Variants in STK3 observed in about 807,000 individuals in gnomAD.
STK3 encodes the protein serine/threonine kinase 3, also known as serine/threonine-protein kinase 3.
Under a neutral mutation model 58.0 loss-of-function variants are expected in STK3, and 41 were observed. The observed-to-expected ratio is 0.71, with a 90% CI of 0.55 to 0.92. The LOEUF (loss-of-function observed/expected upper bound fraction) is 0.92, where lower values mean the gene tolerates loss of function less well. Among genes scored for constraint, STK3 ranks in the 40% least tolerant of loss-of-function variants. STK3 has a pLI of 0.00. For synonymous variants in STK3, 170 were observed against 191.0 expected (o/e 0.89, Z 0.91); for missense variants, 479 against 602.7 (o/e 0.79, Z 2.15).
At chr8:98,674,509 A>G (rs1000952411) in intron 6 of STK3, among the ~76,000 whole-genome samples, 3 of 152,154 alleles carry the variant, frequency 2.0e-5, no homozygotes, top group Non-Finnish European at 4.4e-5. Context: ...TGAGAAATCA[A>G]TGAATTCATT....
At chr8:98,902,592 G>T (rs1474594799) in intron 1 of STK3, among the ~76,000 whole-genome samples, 1 of 152,128 alleles carries the variant, frequency 6.6e-6, no homozygotes. Flanking sequence ...AATATTTCTT[G>T]TGTCTTCCCA....
chr8:98,700,176 G>A (rs979929825), intron 6 of STK3, among the ~76,000 whole-genome samples: 3 of 152,208 alleles, frequency 2.0e-5, no homozygotes, highest in South Asian at 4.1e-4. Flanking sequence ...ATCCAAGTGC[G>A]GGATATAATC....
chr8:98,363,449 T>G, the STK3 span, among the ~76,000 whole-genome samples: 1 of 152,198 alleles, frequency 6.6e-6, no homozygotes, highest in East Asian at 1.9e-4. Context: ...GTACAGGCTC[T>G]GCCCTTACTG....
At chr8:98,695,324 C>T (rs200217721) in intron 6 of STK3, among the ~76,000 whole-genome samples, 22 of 152,192 alleles carry the variant, frequency 1.4e-4, no homozygotes, top group African/African-American at 3.9e-4. Flanking sequence ...GTAGTTTCTT[C>T]TGCTGTGCAG....
intron 1 of STK3, among the ~76,000 whole-genome samples, chr8:98,808,894 T>C (rs559443500): frequency 1.6e-4 from 25 of 152,308 alleles, no homozygotes; most frequent in Non-Finnish European, 2.8e-4. Context: ...TGTGATTACA[T>C]AGTCAGAACT....
intron 1 of STK3, among the ~76,000 whole-genome samples, chr8:98,903,199 T>C (rs916824348): frequency 1.3e-5 from 2 of 152,222 alleles, no homozygotes; most frequent in African/African-American, 4.8e-5. Context: ...GGATATGACA[T>C]TGAATGCACT....
intron 3 of STK3, among the ~76,000 whole-genome samples, chr8:98,841,170 A>G (rs183160809): frequency 6.6e-6 from 1 of 152,334 alleles, no homozygotes; most frequent in East Asian, 1.9e-4. Context: ...GTGGCATCCT[A>G]TTATTTTTTT....
chr8:98,580,142 A>G (rs1039417150), intron 7 of STK3, among the ~76,000 whole-genome samples: 10 of 152,204 alleles, frequency 6.6e-5, no homozygotes, highest in African/African-American at 2.4e-4. Flanking sequence ...ATAGAAATAA[A>G]CTTATTTTGG....
chr8:98,443,779 C>T (rs545458976), intron 1 of STK3, among the ~76,000 whole-genome samples: 20 of 140,914 alleles, frequency 1.4e-4, no homozygotes, highest in South Asian at 4.7e-4. Context: ...ACCTAGGAGG[C>T]GGAGATTGCA....
intron 3 of STK3, among the ~76,000 whole-genome samples, chr8:98,850,862 C>A (rs1246196965): frequency 1.3e-5 from 2 of 152,080 alleles, no homozygotes; most frequent in African/African-American, 2.4e-5. Flanking sequence ...TTTAGAAAGG[C>A]AGCTCCAGGG....
At chr8:98,364,779 GAC>G in the STK3 span, among the ~76,000 whole-genome samples, 1 of 152,152 alleles carries the variant, frequency 6.6e-6, no homozygotes, top group Non-Finnish European at 1.5e-5. Context: ...CTTCCAGTTG[GAC>G]TTAGCCAACG....
chr8:98,786,451 G>A (rs989597235), intron 1 of STK3, among the ~76,000 whole-genome samples: 1 of 152,078 alleles, frequency 6.6e-6, no homozygotes, highest in Non-Finnish European at 1.5e-5. Context: ...GGGAGGCTGG[G>A]GTGAAAGGAT....
At chr8:98,935,774 C>T (rs979527231) in intron 1 of STK3, among the ~76,000 whole-genome samples, 2 of 152,102 alleles carry the variant, frequency 1.3e-5, no homozygotes, top group Non-Finnish European at 2.9e-5. Context: ...CAAATTTCTT[C>T]CCCTTGGTTT....
intron 3 of STK3, among the ~76,000 whole-genome samples, chr8:98,414,040 G>T (rs1407383332): frequency 1.3e-5 from 2 of 152,226 alleles, no homozygotes; most frequent in Non-Finnish European, 2.9e-5. Flanking sequence ...ACAGTGGGTG[G>T]ATCACCTGAG....
chr8:98,573,263 G>A (rs1300671178), intron 8 of STK3, among the ~76,000 whole-genome samples: 2 of 152,110 alleles, frequency 1.3e-5, no homozygotes, highest in Non-Finnish European at 2.9e-5. Flanking sequence ...TGCTATGAAG[G>A]AATACCTGGG....
chr8:98,920,769 G>A (rs1003298542), intron 1 of STK3, among the ~76,000 whole-genome samples: 3 of 152,256 alleles, frequency 2.0e-5, no homozygotes, highest in Non-Finnish European at 4.4e-5. Context: ...AGAGGCTGAG[G>A]TTAGAACAGC....
intron 4 of STK3, among the ~76,000 whole-genome samples, chr8:98,747,158 T>C (rs1829698328): frequency 6.7e-6 from 1 of 150,152 alleles, no homozygotes; most frequent in African/African-American, 2.4e-5. Flanking sequence ...CAGATATTCT[T>C]CAGACAACTG....
intron 2 of STK3, among the ~76,000 whole-genome samples, chr8:98,375,684 T>A (rs576030813): frequency 6.6e-6 from 1 of 152,278 alleles, no homozygotes; most frequent in East Asian, 1.9e-4. Context: ...TTTTTTTTTT[T>A]ACTCAACATA....
the STK3 span, among the ~76,000 whole-genome samples, chr8:98,362,107 C>G: frequency 6.6e-6 from 1 of 151,836 alleles, no homozygotes. Flanking sequence ...GAAGGAAGGT[C>G]GGTTAACCAA....
Sources: allele counts gnomAD v4.1 joint callset (sites outside exome capture counted in the v4.1 genomes callset), GRCh38; gene constraint gnomAD v4.1.1; transcripts MANE v1.5; gene names NCBI Gene and HGNC (gene_info 2026-07-23, HGNC 2026-07-21).